The following BAZ1A variants were observed in gnomAD, a reference collection of about 807,000 sequenced individuals.
BAZ1A encodes the protein bromodomain adjacent to zinc finger domain 1A.
In BAZ1A, 50 loss-of-function variants were observed where a neutral mutation model predicts 185.2. The observed-to-expected ratio is 0.27, with a 90% CI of 0.22 to 0.34. BAZ1A has a LOEUF of 0.34. Ranked by LOEUF, BAZ1A falls within the 10% of genes least tolerant of loss-of-function variation. BAZ1A has a pLI of 1.00. For synonymous variants in BAZ1A, 571 were observed against 615.6 expected (o/e 0.93, Z 1.07); for missense variants, 1,356 against 1,839.9 (o/e 0.74, Z 4.81).
At chr14:34,778,915 C>T (rs536809882) in intron 17 of BAZ1A, among the ~76,000 whole-genome samples, 6 of 152,210 alleles carry the variant, frequency 3.9e-5, no homozygotes, top group African/African-American at 9.6e-5. Flanking sequence ...AGTGCAGTGG[C>T]GCAATCAGGG....
At chr14:34,760,462 A>C (rs1284474637) in intron 24 of BAZ1A, among the ~76,000 whole-genome samples, 1 of 149,694 alleles carries the variant, frequency 6.7e-6, no homozygotes, top group African/African-American at 2.5e-5. Flanking sequence ...AATATAATGT[A>C]TCTAAAATTC....
intron 3 of BAZ1A, among the ~76,000 whole-genome samples, chr14:34,840,719 T>C (rs1443118004): frequency 6.6e-6 from 1 of 151,966 alleles, no homozygotes; most frequent in African/African-American, 2.4e-5. Flanking sequence ...GTTGCACCAC[T>C]GCACTCCAGC....
chr14:34,864,420 G>A (rs2042820962), intron 2 of BAZ1A, among the ~76,000 whole-genome samples: 1 of 151,976 alleles, frequency 6.6e-6, no homozygotes, highest in African/African-American at 2.4e-5. Flanking sequence ...TGGGATTAGA[G>A]GCATGAGCCA....
chr14:34,775,031 A>G (rs1192366505), intron 18 of BAZ1A, among the ~76,000 whole-genome samples: 1 of 152,152 alleles, frequency 6.6e-6, no homozygotes, highest in Non-Finnish European at 1.5e-5. Context: ...CCTGGCCAAC[A>G]TGGTGAAACC....
At chr14:34,777,446 C>G (rs1452731010) in intron 17 of BAZ1A, among the ~76,000 whole-genome samples, 1 of 152,030 alleles carries the variant, frequency 6.6e-6, no homozygotes, top group Non-Finnish European at 1.5e-5. Flanking sequence ...GAGTTCTTAA[C>G]CAGCCTGGCC....
chr14:34,863,177 TTTTTG>T (rs2042800053), intron 2 of BAZ1A, among the ~76,000 whole-genome samples: 2 of 136,460 alleles, frequency 1.5e-5, no homozygotes, highest in African/African-American at 5.9e-5. Flanking sequence ...TTTTTTTTTT[TTTTTG>T]AGATGGAGTT....
At chr14:34,756,260 T>A (rs1886240559) in intron 25 of BAZ1A, among the ~76,000 whole-genome samples, 1 of 150,946 alleles carries the variant, frequency 6.6e-6, no homozygotes, top group African/African-American at 2.4e-5. Context: ...ACTACAGGTG[T>A]GTGCCACCAT....
chr14:34,825,178 A>G (rs2042147962), intron 4 of BAZ1A, among the ~76,000 whole-genome samples: 1 of 152,000 alleles, frequency 6.6e-6, no homozygotes, highest in Non-Finnish European at 1.5e-5. Flanking sequence ...TAGGGGCCAG[A>G]TGTGGTGGCT....
At position 34,810,983 on chromosome 14, in the gene BAZ1A, G is replaced by C; in HGVS notation, c.590C>G (p.Thr197Ser). ...PLLFKYKVQP[T>S]KKELHESAIV... is the part of the protein sequence containing the mutation. ...AGCAGACTCATGTAATTCTTTTTTA[G>C]TGGGTTGCACTTTATACTTGAATAG... The change falls in exon 5 of 27, where the codon ACT (threonine) becomes AGT (serine). Residue 197 changes from threonine (T) to serine (S), a missense_variant. By Grantham distance (58) the Thr-to-Ser change is moderately conservative. Transcript: ENST00000360310. The C allele has an allele frequency of 6.2e-7, 1 of 1,610,516 alleles. No homozygotes were observed. The highest frequency in any genetic ancestry group is 8.5e-7 in the Non-Finnish European group (1 of 1,178,166).
At chr14:34,842,968 GA>G (rs149191721) in intron 3 of BAZ1A, among the ~76,000 whole-genome samples, 90 of 146,388 alleles carry the variant, frequency 6.1e-4, no homozygotes, top group African/African-American at 1.1e-3. Context: ...GAATTTACGG[GA>G]AAAAAAAAAG....
chr14:34,814,537 C>T (rs1459775441), intron 4 of BAZ1A, among the ~76,000 whole-genome samples: 1 of 151,980 alleles, frequency 6.6e-6, no homozygotes, highest in Non-Finnish European at 1.5e-5. Flanking sequence ...GGCGCAATCA[C>T]GGCTCACTGC....
At chr14:34,819,863 G>A (rs1207062337) in intron 4 of BAZ1A, among the ~76,000 whole-genome samples, 1 of 152,136 alleles carries the variant, frequency 6.6e-6, no homozygotes, top group Admixed American at 6.5e-5. Context: ...CCTCTTAAGT[G>A]GCTATGCCAT....
chr14:34,808,412 C>T (rs906704581), intron 5 of BAZ1A, among the ~76,000 whole-genome samples: 3 of 152,106 alleles, frequency 2.0e-5, no homozygotes, highest in African/African-American at 7.2e-5. Flanking sequence ...GGTGGAGAAT[C>T]GCTTGAGCCT....
intron 2 of BAZ1A, among the ~76,000 whole-genome samples, chr14:34,869,499 A>G (rs1321003577): frequency 6.6e-6 from 1 of 151,406 alleles, no homozygotes; most frequent in Non-Finnish European, 1.5e-5. Flanking sequence ...AGTGTAGGAA[A>G]CAACAGAAAT....
chr14:34,771,559 A>G lies in BAZ1A; in HGVS notation c.3253T>C (p.Phe1085Leu), dbSNP rs983450702. 1.9e-6 allele frequency: 3 copies of G among 1,614,162 alleles called. No homozygotes were observed. The highest frequency in any genetic ancestry group is 4.5e-5 in the East Asian group (2 of 44,870). Residue 1085 changes from phenylalanine (F) to leucine (L), a missense_variant, in exon 21 of 27, where the codon TTT (phenylalanine) becomes CTT (leucine). This residue lies in a region of BAZ1A where 434 missense variants were observed against 561.7 expected (regional missense o/e 0.77). Transcript: ENST00000360310. ...CGCTCAATGCCCTGCTCTATTTGAA[A>G]GAGTGCCATTGCCAGATAATGAACC... ...SVVHYLAMAL[F>L]QIEQGIERRF... is the part of the protein sequence containing the mutation.
At position 34,826,229 on chromosome 14, in the gene BAZ1A, ATTGTT is replaced by A. The variant is rs1219017601; in HGVS notation, c.393-78_393-74del. Reference sequence around the variant, plus strand: ...CAGCCAAACATGTCAGAGCAATCGAATTGTTTTGAACTAGTTATTTTGTTTTGCAG... The same window carrying A: ...CAGCCAAACATGTCAGAGCAATCGAATTGAACTAGTTATTTTGTTTTGCAG... On this transcript the variant is annotated intron_variant, in intron 3 of 26. Coordinates refer to ENST00000360310, the MANE Select transcript of BAZ1A (RefSeq NM_013448.3). The A allele has an allele frequency of 5.3e-6, 8 of 1,496,486 alleles. No homozygotes were observed. In the East Asian group the frequency reaches 1.9e-4, roughly 35 times the overall value. The allele number at this position is 1,496,486 out of a possible 1,614,324, so 92.7% of individuals were successfully genotyped here. A position where few individuals can be genotyped will look rare whatever the true frequency, so the allele number is the denominator to read the frequency against.
intron 20 of BAZ1A, among the ~76,000 whole-genome samples, chr14:34,773,334 CTT>C (rs1442015922): frequency 1.3e-5 from 2 of 151,302 alleles, no homozygotes; most frequent in African/African-American, 2.4e-5. Flanking sequence ...AAAAAAAAAA[CTT>C]TAAGAAATTA....
chr14:34,760,102 A>G (rs1388058791), intron 24 of BAZ1A, among the ~76,000 whole-genome samples: 1 of 152,212 alleles, frequency 6.6e-6, no homozygotes, highest in African/African-American at 2.4e-5. Flanking sequence ...TAGTCCATAT[A>G]TGTATTCAGA....
chr14:34,758,597 A>C (rs1200903409), intron 25 of BAZ1A, 107 bp downstream of exon 25: 2 of 1,152,904 alleles, frequency 1.7e-6, no homozygotes, highest in African/African-American at 1.6e-5. Flanking sequence ...CAACAACAAC[A>C]AAAAAAACTA....
Sources: allele counts gnomAD v4.1 joint callset (sites outside exome capture counted in the v4.1 genomes callset), GRCh38; gene constraint gnomAD v4.1.1; regional missense constraint gnomAD v4.1.1; transcripts MANE v1.5; gene names NCBI Gene and HGNC (gene_info 2026-07-23, HGNC 2026-07-21).